The following PRRX1 variants were observed in gnomAD, a reference collection of about 807,000 sequenced individuals.
PRRX1 encodes the protein paired related homeobox 1.
In PRRX1, 8 loss-of-function variants were observed where a neutral mutation model predicts 24.0. The observed-to-expected ratio is 0.33, with a 90% CI of 0.20 to 0.60. PRRX1 has a LOEUF of 0.60. Ranked by LOEUF, PRRX1 falls within the 20% of genes least tolerant of loss-of-function variation. The probability of loss-of-function intolerance (pLI) is 0.82; values close to 1 mark genes in which losing one functional copy is unlikely to be tolerated. For synonymous variants in PRRX1, 160 were observed against 131.7 expected, an observed-to-expected ratio of 1.22 and a Z score of -1.47; for missense variants, 281 against 322.4, an observed-to-expected ratio of 0.87 and a Z score of 0.98.
At chr1:170,667,709 C>T (rs571639292) in intron 1 of PRRX1, 2 of 152,270 alleles carry the variant, frequency 1.3e-5, no homozygotes, top group African/African-American at 4.8e-5. Flanking sequence ...TCTTTGTATC[C>T]CGCTGGAAGT....
chr1:170,716,944 G>A (rs1654924621), intron 1 of PRRX1, among the ~76,000 whole-genome samples: 1 of 152,114 alleles, frequency 6.6e-6, no homozygotes, highest in Non-Finnish European at 1.5e-5. Flanking sequence ...CTGCATTCTT[G>A]GGGAAAAACA....
chr1:170,688,915 G>A (rs553235147), intron 1 of PRRX1, among the ~76,000 whole-genome samples: 21 of 151,856 alleles, frequency 1.4e-4, no homozygotes, highest in Admixed American at 2.6e-4. Context: ...TTATTCTTTA[G>A]CTATGCATCT....
intron 1 of PRRX1, among the ~76,000 whole-genome samples, chr1:170,679,164 G>A (rs1040752499): frequency 3.9e-5 from 6 of 152,184 alleles, no homozygotes; most frequent in African/African-American, 1.2e-4. Flanking sequence ...CAAGGGCAGA[G>A]GCAAACAGTT....
At chr1:170,706,557 C>A (rs939191744) in intron 1 of PRRX1, among the ~76,000 whole-genome samples, 2 of 152,130 alleles carry the variant, frequency 1.3e-5, no homozygotes, top group African/African-American at 4.8e-5. Context: ...CACTGACGTT[C>A]CCCCGTACCC....
intron 1 of PRRX1, among the ~76,000 whole-genome samples, chr1:170,696,169 C>T (rs190133077): frequency 1.4e-4 from 21 of 151,876 alleles, no homozygotes; most frequent in East Asian, 1.9e-4. Context: ...GAAAAGTATC[C>T]GGGCCATATG....
chr1:170,674,773 A>C (rs1410185726), intron 1 of PRRX1, among the ~76,000 whole-genome samples: 6 of 151,966 alleles, frequency 3.9e-5, no homozygotes, highest in Non-Finnish European at 8.8e-5. Flanking sequence ...TGTAAATTAT[A>C]GGAGTAATAC....
chr1:170,687,634 T>C (rs1653790777), intron 1 of PRRX1, among the ~76,000 whole-genome samples: 1 of 152,196 alleles, frequency 6.6e-6, no homozygotes, highest in Admixed American at 6.5e-5. Context: ...AGATAATGTA[T>C]AGGATATGGT....
rs564039115 is a variant in PRRX1 at position 170,708,831 on chromosome 1, C to T, written c.242-10895C>T. Among the ~76,000 whole-genome samples, 81 of 152,222 alleles carry T rather than the reference C, an allele frequency of 5.3e-4. 2 individuals are homozygous for T. In the South Asian group the frequency reaches 0.013, roughly 25 times the overall value. ...TGAGAAACCTGCATAACACTTGATC[C>T]TGGAATTTACATGCCTTACAAAAAT... On this transcript the variant is annotated intron_variant, in intron 1 of 3. Transcript: ENST00000239461.
rs1027468483 is a variant in PRRX1 at position 170,739,185 on chromosome 1, A to G, written c.*2999A>G. The stretch of plus-strand genomic sequence containing the variant: ...TAGGAACTATCTGCCTGTGTCCTCA[A>G]TCTCCCTTCAAACAAGATGCTGATT... On this transcript the variant is annotated 3_prime_UTR_variant, in exon 4 of 4. Coordinates refer to ENST00000239461, the MANE Select transcript of PRRX1 (RefSeq NM_022716.4). 4.9e-6 allele frequency: 1 copy of G among 205,766 alleles called. No homozygotes were observed. Among genetic ancestry groups the G allele is most frequent in the Non-Finnish European group, 1.0e-5 (1 of 100,386 alleles). 12.7% of individuals were successfully genotyped at this position (205,766 alleles called of 1,614,324 possible).
chr1:170,706,748 T>C (rs921897876), intron 1 of PRRX1, among the ~76,000 whole-genome samples: 2 of 152,180 alleles, frequency 1.3e-5, no homozygotes, highest in African/African-American at 4.8e-5. Flanking sequence ...GTTACCTATA[T>C]TCGTATCACT....
intron 1 of PRRX1, chr1:170,667,296 ACGCG>A: frequency 7.7e-6 from 1 of 129,760 alleles, no homozygotes. Context: ...AGAAACACAC[ACGCG>A]CGCGCGCGCG....
At chr1:170,728,014 G>A (rs1026651692) in intron 3 of PRRX1, 3 of 152,166 alleles carry the variant, frequency 2.0e-5, no homozygotes, top group Admixed American at 2.0e-4. Context: ...TGGAAAATGG[G>A]TGTGGTTCAA....
intron 1 of PRRX1, among the ~76,000 whole-genome samples, chr1:170,687,436 A>G (rs997886267): frequency 6.6e-5 from 10 of 152,158 alleles, no homozygotes; most frequent in African/African-American, 2.4e-4. Flanking sequence ...TCCTGCCTTA[A>G]GCTAACAGTA....
rs16863535 is a variant in PRRX1 at position 170,735,619 on chromosome 1, C to G, written c.600-429C>G. On this transcript the variant is annotated intron_variant, in intron 3 of 3. Transcript: ENST00000239461. ...ATCTAGAGTGAAGGAGCAAAATTCC[C>G]TTTAGTTTATTTTCAAATGCTTGTT... is the stretch of plus-strand genomic sequence containing the variant. Among the ~76,000 whole-genome samples the G allele has an allele frequency of 7.7e-3, 1,177 of 152,192 alleles. 14 individuals carry two copies. The highest frequency in any genetic ancestry group is 0.027 in the African/African-American group (1,118 of 41,532).
chr1:170,664,387 G>T lies in PRRX1; in HGVS notation c.169G>T (p.Val57Leu), dbSNP rs748836293. 1 of 1,613,394 alleles carries T rather than the reference G, an allele frequency of 6.2e-7. No individual in the cohort carries two copies. Among genetic ancestry groups the T allele is most frequent in the Admixed American group, 1.7e-5 (1 of 59,954 alleles). ...GGTGGCGGCACAGGCGGATGAGAAC[G>T]TGGGCGAGGCTGGCCGGAGCCTGCT... Reference protein sequence around the residue: ...DMVAAQADENVGEAGRSLLES... With the variant: ...DMVAAQADENLGEAGRSLLES... The change falls in exon 1 of 4, where the codon GTG (valine) becomes TTG (leucine). Residue 57 changes from valine to leucine, a missense_variant. Transcript: ENST00000239461.
rs531831526 is a variant in PRRX1 at position 170,712,401 on chromosome 1, G to GTT, written c.242-7324_242-7323dup. ...TTCATTTTTCCAGTTTCCTAGTTCT[G>GTT]TTATGCTCTCCATCAAACATGACCG... On this transcript the variant is annotated intron_variant, in intron 1 of 3. Transcript: ENST00000239461. Among the ~76,000 whole-genome samples the GTT allele has an allele frequency of 1.5e-3, 229 of 152,132 alleles. 2 individuals carry two copies. Among genetic ancestry groups the GTT allele is most frequent in the Middle Eastern group, 6.8e-3 (2 of 294 alleles).
At chr1:170,722,303 A>G (rs1332525097) in intron 2 of PRRX1, among the ~76,000 whole-genome samples, 1 of 152,172 alleles carries the variant, frequency 6.6e-6, no homozygotes, top group East Asian at 1.9e-4. Flanking sequence ...CTTCCCCCAC[A>G]GGACTGAGGA....
At chr1:170,680,586 G>A (rs888396014) in intron 1 of PRRX1, among the ~76,000 whole-genome samples, 1 of 152,180 alleles carries the variant, frequency 6.6e-6, no homozygotes, top group South Asian at 2.1e-4. Context: ...CATACTGGCA[G>A]CATACTCAGG....
chr1:170,701,855 T>C (rs1198424190), intron 1 of PRRX1, among the ~76,000 whole-genome samples: 1 of 152,192 alleles, frequency 6.6e-6, no homozygotes, highest in Non-Finnish European at 1.5e-5. Flanking sequence ...TTATCTTTTT[T>C]TGTGTTGGGA....
Sources: gnomAD v4.1 joint callset for allele counts (sites outside exome capture counted in the v4.1 genomes callset) on GRCh38, gnomAD v4.1.1 for gene constraint, MANE v1.5 for transcripts, NCBI Gene and HGNC (gene_info 2026-07-23, HGNC 2026-07-21) for gene names.